Variants in ATP8B4 observed in about 807,000 individuals in gnomAD.
The protein encoded by ATP8B4 is probable phospholipid-transporting ATPase IM.
ATP8B4 carries 133 observed loss-of-function variants against 145.6 expected under a neutral mutation model. That is an observed-to-expected ratio of 0.91 (90% CI 0.79 to 1.05). ATP8B4 has a LOEUF of 1.05. Ranked by LOEUF, ATP8B4 falls within the 50% of genes least tolerant of loss-of-function variation. ATP8B4 has a pLI of 0.00. For missense variants in ATP8B4, 1,458 were observed against 1,425.2 expected, an observed-to-expected ratio of 1.02 and a Z score of -0.37; for synonymous variants, 507 against 492.9, an observed-to-expected ratio of 1.03 and a Z score of -0.38.
rs2044163141 is a variant in ATP8B4 at position 50,138,510 on chromosome 15, T to G, written c.-42-31502A>C. On this transcript the variant is annotated intron_variant, in intron 1 of 3. Transcript: ENST00000558829. ...ATAGATACCTGAATAAATTATCTGC[T>G]CAGTCATTGGTTACCCACACCTAAA... is the stretch of plus-strand genomic sequence containing the variant. Among the ~76,000 whole-genome samples, 4 of 152,078 alleles carry G rather than the reference T, an allele frequency of 2.6e-5. 1 individual carries two copies. In the South Asian group the frequency reaches 8.3e-4, roughly 32 times the overall value.
At chr15:49,928,024 A>G (rs1456386409) in intron 16 of ATP8B4, among the ~76,000 whole-genome samples, 1 of 152,196 alleles carries the variant, frequency 6.6e-6, no homozygotes, top group South Asian at 2.1e-4. Context: ...TACCATGAGT[A>G]GGATATTCAT....
chr15:49,974,551 T>C (rs1356419927), intron 12 of ATP8B4, among the ~76,000 whole-genome samples: 1 of 152,056 alleles, frequency 6.6e-6, no homozygotes, highest in African/African-American at 2.4e-5. Context: ...TGTTTCCAGT[T>C]TTTCAATATG....
chr15:50,149,063 A>G (rs1325382077), intron 1 of ATP8B4, among the ~76,000 whole-genome samples: 1 of 152,220 alleles, frequency 6.6e-6, no homozygotes, highest in Non-Finnish European at 1.5e-5. Flanking sequence ...TCTCTTGTTC[A>G]TCTATGAATC....
intron 14 of ATP8B4, among the ~76,000 whole-genome samples, chr15:49,953,618 C>T (rs746111063): frequency 5.9e-5 from 9 of 152,200 alleles, no homozygotes; most frequent in Non-Finnish European, 1.3e-4. Flanking sequence ...CTTCCCCCAC[C>T]CAAGGAGCTT....
intron 2 of ATP8B4, among the ~76,000 whole-genome samples, chr15:50,083,031 T>A (rs758975615): frequency 5.9e-5 from 9 of 152,192 alleles, no homozygotes; most frequent in Non-Finnish European, 1.0e-4. Flanking sequence ...AATTGGTGTG[T>A]GCCTTGGTCC....
chr15:49,905,330 T>C (rs2038486711), intron 20 of ATP8B4, among the ~76,000 whole-genome samples: 1 of 152,234 alleles, frequency 6.6e-6, no homozygotes, highest in African/African-American at 2.4e-5. Context: ...ACACTTTCTT[T>C]TTAAATGAAC....
intron 6 of ATP8B4, among the ~76,000 whole-genome samples, chr15:50,032,854 T>G (rs982372708): frequency 7.9e-5 from 12 of 152,204 alleles, no homozygotes; most frequent in Admixed American, 4.6e-4. Flanking sequence ...AATAATTACT[T>G]TGGATAGTGG....
At chr15:50,170,172 AC>A (rs781221129) in intron 1 of ATP8B4, among the ~76,000 whole-genome samples, 12 of 152,188 alleles carry the variant, frequency 7.9e-5, no homozygotes, top group Non-Finnish European at 1.3e-4. Context: ...TATGAGAAGC[AC>A]AAAGAACACC....
intron 6 of ATP8B4, among the ~76,000 whole-genome samples, chr15:50,036,229 G>T (rs1300134468): frequency 6.6e-6 from 1 of 152,148 alleles, no homozygotes; most frequent in Non-Finnish European, 1.5e-5. Flanking sequence ...GAGGAAAGGG[G>T]AAGAAGCCAA....
At chr15:49,997,339 G>C (rs2047511501) in intron 8 of ATP8B4, among the ~76,000 whole-genome samples, 1 of 152,072 alleles carries the variant, frequency 6.6e-6, no homozygotes, top group Admixed American at 6.6e-5. Flanking sequence ...CACATATTTT[G>C]GACAGATGGC....
At chr15:50,113,807 C>T (rs1435756954) in intron 1 of ATP8B4, among the ~76,000 whole-genome samples, 1 of 139,040 alleles carries the variant, frequency 7.2e-6, no homozygotes, top group East Asian at 2.1e-4. Flanking sequence ...CCATTGCACT[C>T]CAGCCCGGGC....
chr15:49,979,451 AG>A (rs1296098607), intron 12 of ATP8B4, among the ~76,000 whole-genome samples, 165 bp downstream of exon 12: 1 of 152,240 alleles, frequency 6.6e-6, no homozygotes, highest in East Asian at 1.9e-4. Context: ...AAAACATAAA[AG>A]TTAACAGATT....
At chr15:49,882,164 A>G (rs1335224193) in intron 23 of ATP8B4, among the ~76,000 whole-genome samples, 1 of 152,106 alleles carries the variant, frequency 6.6e-6, no homozygotes, top group African/African-American at 2.4e-5. Context: ...CCAGGAAACT[A>G]CTGAAGGCAC....
chr15:50,035,137 GA>G (rs1367842911), intron 6 of ATP8B4, among the ~76,000 whole-genome samples: 1 of 151,924 alleles, frequency 6.6e-6, no homozygotes, highest in African/African-American at 2.4e-5. Context: ...GATTTGAAAG[GA>G]ATAGATTAAG....
intron 14 of ATP8B4, among the ~76,000 whole-genome samples, chr15:49,946,705 G>A (rs538244254): frequency 6.6e-6 from 1 of 151,992 alleles, no homozygotes; most frequent in East Asian, 1.9e-4. Flanking sequence ...CCTTGCCCAG[G>A]ATCTCTAAGT....
intron 2 of ATP8B4, among the ~76,000 whole-genome samples, chr15:50,084,279 C>CA (rs1178612047): frequency 6.6e-6 from 1 of 151,988 alleles, no homozygotes; most frequent in African/African-American, 2.4e-5. Flanking sequence ...AAAAGACCAA[C>CA]AAAAAAATAG....
rs917619574 is a variant in ATP8B4 at position 50,162,786 on chromosome 15, G to A, written c.-43+19475C>T. Among the ~76,000 whole-genome samples, 7 of 152,270 alleles carry A rather than the reference G, an allele frequency of 4.6e-5. No individual in the cohort carries two copies. In the East Asian group the frequency reaches 5.8e-4, roughly 13 times the overall value. On this transcript the variant is annotated intron_variant, in intron 1 of 3. Coordinates refer to the ATP8B4 transcript ENST00000558829. ...TTCCCAAAGTGCTGGAATTACAGGC[G>A]TGAGCCACCGCGCCCGGCCTCTTTT...
chr15:50,016,724 T>G (rs749815570), intron 6 of ATP8B4, among the ~76,000 whole-genome samples: 1 of 152,136 alleles, frequency 6.6e-6, no homozygotes, highest in Non-Finnish European at 1.5e-5. Flanking sequence ...GAAAACACTC[T>G]CGTCAGCCAA....
rs60030651 is a variant in ATP8B4 at position 50,023,779 on chromosome 15, CAA to C, written c.363-12864_363-12863del. Among the ~76,000 whole-genome samples the C allele has an allele frequency of 4.3e-3, 322 of 75,040 alleles. 1 individual carries two copies. The highest frequency in any genetic ancestry group is 0.012 in the East Asian group (31 of 2,592). 49.2% of individuals were successfully genotyped at this position (75,040 alleles called of 152,430 possible). A position where few individuals can be genotyped will look rare whatever the true frequency, so the allele number is the denominator to read the frequency against. On this transcript the variant is annotated intron_variant, in intron 6 of 27. Coordinates refer to ENST00000284509, the MANE Select transcript of ATP8B4 (RefSeq NM_024837.4). Reference sequence around the variant, plus strand: ...ACCCACAAAAAATTGAGACCAAAGGCAAAAAAAAAAAAAAAAAGAAAAAAAAG... The same window carrying C: ...ACCCACAAAAAATTGAGACCAAAGGCAAAAAAAAAAAAAAAGAAAAAAAAG...
Sources: allele counts gnomAD v4.1 joint callset (sites outside exome capture counted in the v4.1 genomes callset), GRCh38; gene constraint gnomAD v4.1.1; transcripts MANE v1.5; gene names NCBI Gene and HGNC (gene_info 2026-07-23, HGNC 2026-07-21).